MDGA2: variants seen among roughly 807,000 people sequenced by gnomAD.
The protein encoded by MDGA2 is MAM domain containing glycosylphosphatidylinositol anchor 2, also known as MAM domain-containing glycosylphosphatidylinositol anchor protein 2.
Under a neutral mutation model 117.8 loss-of-function variants are expected in MDGA2, and 40 were observed. That is an observed-to-expected ratio of 0.34 (90% confidence interval 0.26 to 0.44). The LOEUF (loss-of-function observed/expected upper bound fraction) is 0.44. MDGA2 is among the 20% of genes least tolerant of loss of function. MDGA2 has a pLI of 1.00. For synonymous variants in MDGA2, 452 were observed against 439.0 expected, an observed-to-expected ratio of 1.03 and a Z score of -0.37; for missense variants, 1,123 against 1,250.6, an observed-to-expected ratio of 0.90 and a Z score of 1.54.
intron 2 of MDGA2, among the ~76,000 whole-genome samples, chr14:47,273,441 T>G (rs1888211544): frequency 6.6e-6 from 1 of 152,144 alleles, no homozygotes; most frequent in South Asian, 2.1e-4. Context: ...AGCTTAATGG[T>G]GCTTTAACGA....
At chr14:47,203,868 T>C (rs1246921180) in intron 3 of MDGA2, among the ~76,000 whole-genome samples, 1 of 152,000 alleles carries the variant, frequency 6.6e-6, no homozygotes, top group East Asian at 1.9e-4. Context: ...AGAAGGAAAC[T>C]TATCTAAAAA....
intron 1 of MDGA2, among the ~76,000 whole-genome samples, chr14:47,341,862 A>G (rs2138323278): frequency 6.6e-6 from 1 of 152,222 alleles, no homozygotes. Context: ...ATTTCAAGAC[A>G]GACTCTCGCT....
At chr14:46,965,080 C>T (rs1362598931) in intron 8 of MDGA2, among the ~76,000 whole-genome samples, 3 of 140,968 alleles carry the variant, frequency 2.1e-5, no homozygotes, top group African/African-American at 5.9e-5. Flanking sequence ...CCCGCCACCA[C>T]GCCCGGCTAA....
chr14:47,546,984 T>C (rs1216405323), intron 1 of MDGA2, among the ~76,000 whole-genome samples: 1 of 152,140 alleles, frequency 6.6e-6, no homozygotes, highest in Non-Finnish European at 1.5e-5. Flanking sequence ...TCCTCCATGA[T>C]TCACAAAGGA....
chr14:47,665,972 C>T (rs1897949569), intron 1 of MDGA2, among the ~76,000 whole-genome samples: 3 of 151,902 alleles, frequency 2.0e-5, no homozygotes, highest in Admixed American at 1.3e-4. Context: ...TGGCAGGCAG[C>T]TCCACCTGTG....
At chr14:47,335,927 T>C (rs1278106686) in intron 1 of MDGA2, among the ~76,000 whole-genome samples, 1 of 151,210 alleles carries the variant, frequency 6.6e-6, no homozygotes, top group East Asian at 2.0e-4. Context: ...TTGTGGGTTC[T>C]AGTGAAGACA....
chr14:47,149,817 C>G (rs935980907), intron 3 of MDGA2, among the ~76,000 whole-genome samples: 1 of 152,152 alleles, frequency 6.6e-6, no homozygotes, highest in Non-Finnish European at 1.5e-5. Flanking sequence ...TGTCACTATC[C>G]TCACTTGATC....
chr14:47,110,472 T>G (rs1880979177), intron 5 of MDGA2, among the ~76,000 whole-genome samples: 1 of 152,212 alleles, frequency 6.6e-6, no homozygotes, highest in Non-Finnish European at 1.5e-5. Flanking sequence ...TTTTTCATTT[T>G]GTACCATATG....
chr14:46,914,692 A>G (rs765482124), intron 10 of MDGA2, among the ~76,000 whole-genome samples: 1 of 152,084 alleles, frequency 6.6e-6, no homozygotes, highest in Non-Finnish European at 1.5e-5. Flanking sequence ...AAAATAAGGT[A>G]AGGTCTTAGG....
At chr14:47,409,828 T>C (rs201273986) in intron 1 of MDGA2, among the ~76,000 whole-genome samples, 5 of 152,026 alleles carry the variant, frequency 3.3e-5, no homozygotes, top group Admixed American at 2.0e-4. Context: ...TTAATTTACG[T>C]CCCCCGCTTT....
intron 1 of MDGA2, among the ~76,000 whole-genome samples, chr14:47,404,927 G>A (rs909811493): frequency 3.3e-5 from 5 of 152,108 alleles, no homozygotes; most frequent in Admixed American, 6.5e-5. Flanking sequence ...TAGATTGTTT[G>A]CATCATAAAG....
chr14:47,428,289 C>A (rs1242512087), intron 1 of MDGA2, among the ~76,000 whole-genome samples: 2 of 152,022 alleles, frequency 1.3e-5, no homozygotes, highest in African/African-American at 4.8e-5. Context: ...GATTAATGTG[C>A]AGTTTTAAAG....
At chr14:47,195,944 GA>G (rs1475827038) in intron 3 of MDGA2, among the ~76,000 whole-genome samples, 3 of 152,028 alleles carry the variant, frequency 2.0e-5, no homozygotes, top group African/African-American at 7.2e-5. Flanking sequence ...ATTTTAATTT[GA>G]TTTACATTTT....
chr14:47,070,307 A>T (rs1890234696), intron 6 of MDGA2, among the ~76,000 whole-genome samples: 1 of 152,060 alleles, frequency 6.6e-6, no homozygotes, highest in South Asian at 2.1e-4. Context: ...TTCATACAGC[A>T]TTTACACGAC....
intron 5 of MDGA2, among the ~76,000 whole-genome samples, chr14:47,098,815 T>C (rs1049751132): frequency 1.3e-5 from 2 of 151,956 alleles, no homozygotes; most frequent in East Asian, 1.9e-4. Flanking sequence ...CAGCATATAT[T>C]TGGACTATGG....
Position 46,841,936 on chromosome 14 carries a change from T to C in MDGA2, c.3073A>G (p.Arg1025Gly). The part of the protein sequence containing the change: ...IVLISILSPR[R>G] The stretch of plus-strand genomic sequence containing the variant: ...TAGCCTCTGCCAGGATAAGGTCACC[T>C]TCGAGGACTTAAGATAGAGATGAGG... The change falls in exon 17 of 17, where the codon AGG (arginine) becomes GGG (glycine). Residue 1025 changes from arginine (R) to glycine (G), a missense_variant. This residue lies in a region of MDGA2 where 890 missense variants were observed against 1,050.3 expected (regional missense o/e 0.85). Transcript: ENST00000399232. The C allele has an allele frequency of 6.2e-7, 1 of 1,607,916 alleles. No individual in the cohort carries two copies.
chr14:47,168,337 T>C (rs1883976123), intron 3 of MDGA2, among the ~76,000 whole-genome samples: 1 of 149,802 alleles, frequency 6.7e-6, no homozygotes, highest in Non-Finnish European at 1.5e-5. Flanking sequence ...TAAATGTCAG[T>C]TTAATTTTGT....
chr14:47,467,754 T>C (rs1261062720), intron 1 of MDGA2, among the ~76,000 whole-genome samples: 1 of 152,174 alleles, frequency 6.6e-6, no homozygotes, highest in Admixed American at 6.5e-5. Flanking sequence ...AGTATGTGTG[T>C]GTGTGTTTAA....
At chr14:47,110,213 T>G (rs1252838554) in intron 5 of MDGA2, among the ~76,000 whole-genome samples, 2 of 152,168 alleles carry the variant, frequency 1.3e-5, no homozygotes, top group Non-Finnish European at 2.9e-5. Context: ...TGTACTTATT[T>G]GTTCATTTAT....
Sources: allele counts gnomAD v4.1 joint callset (sites outside exome capture counted in the v4.1 genomes callset), GRCh38; gene constraint gnomAD v4.1.1; regional missense constraint gnomAD v4.1.1; transcripts MANE v1.5; gene names NCBI Gene and HGNC (gene_info 2026-07-23, HGNC 2026-07-21).